RAB19: variants seen among roughly 807,000 people sequenced by gnomAD.
The protein encoded by RAB19 is ras-related protein Rab-19.
A neutral mutation model predicts 17.3 loss-of-function variants in RAB19; 21 were observed. That is an observed-to-expected ratio of 1.21 (90% CI 0.86 to 1.74). The LOEUF (loss-of-function observed/expected upper bound fraction) is 1.74. Among genes scored for constraint, RAB19 ranks in the 40% most tolerant of loss-of-function variants. RAB19 has a pLI of 0.00. For missense variants in RAB19, 277 were observed against 286.8 expected, an observed-to-expected ratio of 0.97 and a Z score of 0.25; for synonymous variants, 126 against 110.4, an observed-to-expected ratio of 1.14 and a Z score of -0.88.
At position 140,413,788 on chromosome 7, in the gene RAB19, G is replaced by A. The variant is rs367794372; in HGVS notation, c.385+1731G>A. 5.3e-5 allele frequency among the ~76,000 whole-genome samples: 8 copies of A among 152,226 alleles called. No individual in the cohort carries two copies. In the East Asian group the frequency reaches 1.2e-3, roughly 22 times the overall value. ...GAGAGCTGTGCCATGGCATACAAAC[G>A]GCCGGGGTGGACAGGTAGATGCAGC... On this transcript the variant is annotated intron_variant, in intron 3 of 3. Transcript: ENST00000537763.
intron 3 of RAB19, among the ~76,000 whole-genome samples, chr7:140,416,842 C>G (rs1291502464): frequency 6.6e-6 from 1 of 152,068 alleles, no homozygotes; most frequent in Non-Finnish European, 1.5e-5. Flanking sequence ...TAAATCCCAG[C>G]ACTTTGGGAA....
In RAB19 at chr7:140,415,503, G is replaced by A. The variant is rs1414366053; in HGVS notation, c.385+3446G>A. Among the ~76,000 whole-genome samples the A allele has an allele frequency of 5.9e-5, 9 of 152,012 alleles. 1 individual carries two copies. Among genetic ancestry groups the A allele is most frequent in the Middle Eastern group, 3.4e-3 (1 of 294 alleles). ...ACAATCACTCAACAAAAACCCTCAGGGCCAAATATTTCAGAGTTCAGAATT... is the reference window on the plus strand; with the variant it reads ...ACAATCACTCAACAAAAACCCTCAGAGCCAAATATTTCAGAGTTCAGAATT... On this transcript the variant is annotated intron_variant, in intron 3 of 3. Coordinates refer to ENST00000537763, the MANE Select transcript of RAB19 (RefSeq NM_001008749.3).
At chr7:140,408,911 A>G (rs1162210687) in intron 2 of RAB19, among the ~76,000 whole-genome samples, 1 of 151,990 alleles carries the variant, frequency 6.6e-6, no homozygotes, top group African/African-American at 2.4e-5. Context: ...GGTGCACCCC[A>G]CCATGCCCAA....
Position 140,426,029 on chromosome 7 carries a change from A to G in RAB19, c.533A>G (p.Glu178Gly), listed in dbSNP as rs988823882. The G allele has an allele frequency of 6.2e-7, 1 of 1,613,974 alleles. No homozygotes were observed. Residue 178 changes from glutamate (E) to glycine (G), a missense_variant, in exon 4 of 4, where the codon GAG becomes GGG. Glu to Gly is a moderately conservative substitution (Grantham distance 98). Coordinates refer to ENST00000537763, the MANE Select transcript of RAB19 (RefSeq NM_001008749.3). Reference protein sequence around the residue: ...IEEVFVLMAKELIARNSLHLY... With the variant: ...IEEVFVLMAKGLIARNSLHLY... ...GAAGTCTTCGTGCTCATGGCCAAGGAGCTGATCGCGCGCAACAGCCTGCAC... is the reference window on the plus strand; with the variant it reads ...GAAGTCTTCGTGCTCATGGCCAAGGGGCTGATCGCGCGCAACAGCCTGCAC...
intron 3 of RAB19, among the ~76,000 whole-genome samples, chr7:140,414,545 A>G (rs1046094095): frequency 2.6e-5 from 4 of 152,214 alleles, no homozygotes; most frequent in Admixed American, 6.5e-5. Context: ...CATAACAAGC[A>G]TCTCTGCCTC....
At chr7:140,424,617 CT>C (rs1799623252) in intron 3 of RAB19, among the ~76,000 whole-genome samples, 7 of 73,096 alleles carry the variant, frequency 9.6e-5, no homozygotes, top group African/African-American at 3.4e-4. Context: ...CTCTCTCTCT[CT>C]CTATATATAT....
At chr7:140,418,858 CAAAA>C (rs10649285) in intron 3 of RAB19, among the ~76,000 whole-genome samples, 1 of 135,450 alleles carries the variant, frequency 7.4e-6, no homozygotes. Flanking sequence ...AACCCTGTCT[CAAAA>C]AAAAAAAAAA....
chr7:140,410,830 G>A (rs1397422039), intron 2 of RAB19: 3 of 772,880 alleles, frequency 3.9e-6, no homozygotes, highest in Non-Finnish European at 5.6e-6. Context: ...TATATAAATA[G>A]TATGAGAATA....
At chr7:140,409,781 C>T (rs1799316717) in intron 2 of RAB19, among the ~76,000 whole-genome samples, 1 of 151,888 alleles carries the variant, frequency 6.6e-6, no homozygotes, top group African/African-American at 2.4e-5. Flanking sequence ...ATTACGAGGT[C>T]AGGAGATTGA....
In RAB19 at chr7:140,425,285, C is replaced by CAAACA. The variant is rs540341868; in HGVS notation, c.386-574_386-570dup. 3.2e-3 allele frequency among the ~76,000 whole-genome samples: 484 copies of CAAACA among 151,590 alleles called. 1 individual carries two copies. Among genetic ancestry groups the CAAACA allele is most frequent in the African/African-American group, 8.8e-3 (364 of 41,302 alleles). On this transcript the variant is annotated intron_variant, in intron 3 of 3. Coordinates refer to ENST00000537763, the MANE Select transcript of RAB19 (RefSeq NM_001008749.3). ...TGGGTGACAGAGTGAGACTCCATCT[C>CAAACA]AAACAAAACAAAACAAAACAAAACA...
At chr7:140,411,743 C>G (rs1799366317) in intron 2 of RAB19, 131 bp from the exon 3 acceptor site, 2 of 1,557,754 alleles carry the variant, frequency 1.3e-6, no homozygotes, top group Non-Finnish European at 1.7e-6. Context: ...TGGGTCCCAC[C>G]CCAGATCTAC....
chr7:140,416,172 G>A (rs555293250), intron 3 of RAB19, among the ~76,000 whole-genome samples: 6 of 151,916 alleles, frequency 3.9e-5, no homozygotes, highest in African/African-American at 9.6e-5. Context: ...GAGAAACCCC[G>A]TCTCTACTAG....
intron 3 of RAB19, among the ~76,000 whole-genome samples, chr7:140,417,316 T>C (rs532201404): frequency 6.6e-6 from 1 of 151,514 alleles, no homozygotes; most frequent in South Asian, 2.1e-4. Context: ...GTGGGCACAT[T>C]GCTTGAGGCT....
At chr7:140,424,597 CTCTCTCTCTCTCTCTCTCTCTCTA>C (rs1799620444) in intron 3 of RAB19, among the ~76,000 whole-genome samples, 1 of 105,538 alleles carries the variant, frequency 9.5e-6, no homozygotes, top group Admixed American at 1.0e-4. Context: ...CTCTCTCTCT[CTCTCTCTCTCTCTCTCTCTCTCTA>C]TATATATATA....
rs11765962 is a variant in RAB19, at chr7:140,426,707, A to G, written c.*557A>G. ...GGGAGCGAAGCCTTTTAGCAGAAATACCAGAAGTACCATCTTGCCAAATGG... is the reference window on the plus strand; with the variant it reads ...GGGAGCGAAGCCTTTTAGCAGAAATGCCAGAAGTACCATCTTGCCAAATGG... On this transcript the variant is annotated 3_prime_UTR_variant, in exon 4 of 4. Coordinates refer to ENST00000537763, the MANE Select transcript of RAB19 (RefSeq NM_001008749.3). Among the ~76,000 whole-genome samples the G allele has an allele frequency of 0.15, 23,391 of 152,146 alleles. 2,167 individuals carry two copies. Among genetic ancestry groups the G allele is most frequent in the African/African-American group, 0.26 (10,730 of 41,504 alleles).
chr7:140,412,129 A>G (rs1056849574), intron 3 of RAB19, 72 bp downstream of exon 3: 7 of 1,418,952 alleles, frequency 4.9e-6, no homozygotes, highest in Middle Eastern at 3.5e-4. Flanking sequence ...GCATGTTTCT[A>G]ATGACAGTGG....
At chr7:140,412,773 G>C (rs970189778) in intron 3 of RAB19, among the ~76,000 whole-genome samples, 3 of 150,854 alleles carry the variant, frequency 2.0e-5, no homozygotes, top group Non-Finnish European at 4.4e-5. Flanking sequence ...GGGTACAGTG[G>C]GTTCTTAAAA....
At chr7:140,407,594 C>T in intron 1 of RAB19, 30 bp from the exon 2 acceptor site, 1 of 1,561,550 alleles carries the variant, frequency 6.4e-7, no homozygotes, top group Non-Finnish European at 8.8e-7. Flanking sequence ...TCCCCAGTTC[C>T]TGGTGCTGAA....
chr7:140,408,751 CAGA>C (rs1394879436), intron 2 of RAB19, among the ~76,000 whole-genome samples: 24 of 152,110 alleles, frequency 1.6e-4, no homozygotes, highest in Admixed American at 1.3e-4. Flanking sequence ...GCTGGGATTA[CAGA>C]TGTGAACCAC....
Sources: gnomAD v4.1 joint callset for allele counts (sites outside exome capture counted in the v4.1 genomes callset) on GRCh38, gnomAD v4.1.1 for gene constraint, MANE v1.5 for transcripts, NCBI Gene and HGNC (gene_info 2026-07-23, HGNC 2026-07-21) for gene names.